The following GRIP1 variants were observed in gnomAD, a reference collection of about 807,000 sequenced individuals.
The protein encoded by GRIP1 is glutamate receptor interacting protein 1.
In GRIP1, 45 loss-of-function variants were observed where a neutral mutation model predicts 129.9. The observed-to-expected ratio is 0.35, with a 90% CI of 0.27 to 0.44. The LOEUF is 0.44. GRIP1 is among the 20% of genes least tolerant of loss of function. The probability of loss-of-function intolerance (pLI) is 1.00; values close to 1 mark genes in which losing one functional copy is unlikely to be tolerated. For synonymous variants in GRIP1, 530 were observed against 520.8 expected (o/e 1.02, Z -0.24); for missense variants, 1,196 against 1,396.8 (o/e 0.86, Z 2.29).
At chr12:66,754,156 G>T (rs1053506264) in intron 1 of GRIP1, among the ~76,000 whole-genome samples, 6 of 152,180 alleles carry the variant, frequency 3.9e-5, no homozygotes, top group African/African-American at 1.4e-4. Flanking sequence ...TGATTTTCCA[G>T]AGTAGTTTTA....
At position 66,582,598 on chromosome 12, in the gene GRIP1, C is replaced by T. The variant is rs965586651; in HGVS notation, c.136+14249G>A. 1.2e-4 allele frequency among the ~76,000 whole-genome samples: 17 copies of T among 137,652 alleles called. 1 individual carries two copies. In the South Asian group the frequency reaches 3.7e-3, roughly 30 times the overall value. 90.3% of individuals were successfully genotyped at this position (137,652 alleles called of 152,430 possible). On this transcript the variant is annotated intron_variant, in intron 2 of 24. Coordinates refer to ENST00000359742, the MANE Select transcript of GRIP1 (RefSeq NM_001366722.1). ...TCAACGTACAAAAATCACAAGCATT[C>T]TTATACACCAATAACAGACAAACAG...
chr12:66,901,724 G>A (rs1381425302), intron 1 of GRIP1, among the ~76,000 whole-genome samples: 1 of 152,116 alleles, frequency 6.6e-6, no homozygotes, highest in African/African-American at 2.4e-5. Flanking sequence ...CTAAACCACA[G>A]GTCCAAGTCT....
intron 22 of GRIP1, 58 bp downstream of exon 22, chr12:66,376,959 G>T (rs2055813448): frequency 8.6e-7 from 1 of 1,161,330 alleles, no homozygotes; most frequent in East Asian, 2.3e-5. Context: ...TGTCCAGAAG[G>T]CAAGGGGGTA....
chr12:66,833,242 G>A (rs1219263391), intron 1 of GRIP1, among the ~76,000 whole-genome samples: 1 of 152,162 alleles, frequency 6.6e-6, no homozygotes, highest in Non-Finnish European at 1.5e-5. Context: ...AGTAGGGTGT[G>A]TACTCTACAG....
At chr12:66,859,259 G>GGAA (rs1555246430) in intron 1 of GRIP1, among the ~76,000 whole-genome samples, 8 of 21,230 alleles carry the variant, frequency 3.8e-4, no homozygotes, top group East Asian at 6.3e-3. Context: ...CACATTTTCT[G>GGAA]AAAAAAAACA....
chr12:66,489,482 A>G (rs1255734496), intron 7 of GRIP1, among the ~76,000 whole-genome samples: 2 of 152,320 alleles, frequency 1.3e-5, no homozygotes, highest in African/African-American at 4.8e-5. Flanking sequence ...AATAAGAGCC[A>G]TATATGACAA....
intron 1 of GRIP1, among the ~76,000 whole-genome samples, chr12:66,826,444 A>G (rs2039415277): frequency 6.6e-6 from 1 of 152,204 alleles, no homozygotes; most frequent in East Asian, 1.9e-4. Context: ...CAGAACTTAA[A>G]GTATAAAAAA....
intron 1 of GRIP1, among the ~76,000 whole-genome samples, chr12:66,728,486 G>A (rs2036325661): frequency 1.3e-5 from 2 of 152,094 alleles, no homozygotes; most frequent in South Asian, 4.1e-4. Flanking sequence ...GCAGAATAGA[G>A]GAAACAATAA....
intron 1 of GRIP1, among the ~76,000 whole-genome samples, chr12:66,794,856 T>C (rs2038649914): frequency 6.6e-6 from 1 of 152,164 alleles, no homozygotes; most frequent in Non-Finnish European, 1.5e-5. Flanking sequence ...CTATAAATCA[T>C]GAAAACTTGG....
chr12:66,625,260 T>C (rs904270911), intron 1 of GRIP1, among the ~76,000 whole-genome samples: 1 of 152,200 alleles, frequency 6.6e-6, no homozygotes, highest in Non-Finnish European at 1.5e-5. Flanking sequence ...ATCATTTACA[T>C]TATTGTCTTG....
At chr12:67,025,239 G>A (rs1160428761) in intron 1 of GRIP1, among the ~76,000 whole-genome samples, 11 of 152,182 alleles carry the variant, frequency 7.2e-5, no homozygotes, top group Admixed American at 7.2e-4. Context: ...TACTTGGGAG[G>A]CTGAGGCAGA....
At chr12:66,703,343 A>T (rs2136362190) in intron 1 of GRIP1, among the ~76,000 whole-genome samples, 1 of 152,284 alleles carries the variant, frequency 6.6e-6, no homozygotes, top group Admixed American at 6.5e-5. Flanking sequence ...TCATCCCAAA[A>T]GTCATGAACT....
chr12:66,924,998 A>G (rs2041273631), intron 1 of GRIP1, among the ~76,000 whole-genome samples: 4 of 152,144 alleles, frequency 2.6e-5, no homozygotes, highest in Non-Finnish European at 4.4e-5. Context: ...AGAGAGCAAG[A>G]TAAGAATTTA....
At chr12:66,842,904 TC>T (rs2039746947) in intron 1 of GRIP1, among the ~76,000 whole-genome samples, 1 of 152,098 alleles carries the variant, frequency 6.6e-6, no homozygotes, top group African/African-American at 2.4e-5. Context: ...GTTTTTAGGA[TC>T]AAAGAAAAGG....
At chr12:66,583,035 CA>C (rs2063465736) in intron 2 of GRIP1, among the ~76,000 whole-genome samples, 1 of 151,120 alleles carries the variant, frequency 6.6e-6, no homozygotes. Flanking sequence ...ACCAAAACAG[CA>C]TGGTACTGGT....
chr12:66,900,323 C>T (rs547300278), intron 1 of GRIP1, among the ~76,000 whole-genome samples: 1 of 152,174 alleles, frequency 6.6e-6, no homozygotes, highest in Non-Finnish European at 1.5e-5. Flanking sequence ...GAAATCCTAA[C>T]CCCCACCCTT....
intron 1 of GRIP1, among the ~76,000 whole-genome samples, chr12:67,018,411 T>G (rs2042819398): frequency 6.6e-6 from 1 of 152,206 alleles, no homozygotes; most frequent in Non-Finnish European, 1.5e-5. Context: ...TTAGCCATTT[T>G]ATCTGAATTC....
rs935125650 is a variant in GRIP1 at position 66,349,254 on chromosome 12, G to T, written c.3160-8C>A. ...GGTTCGGACATGATTCACCTGAAAG[G>T]TCAAGAACAGCCATTTTGAATTATC... On this transcript the variant is annotated splice_polypyrimidine_tract_variant and splice_region_variant and intron_variant, in intron 24 of 24. Transcript: ENST00000359742. 6 of 1,590,512 alleles carry T rather than the reference G, an allele frequency of 3.8e-6. No individual in the cohort carries two copies. The highest frequency in any genetic ancestry group is 5.2e-6 in the Non-Finnish European group (6 of 1,158,610).
intron 2 of GRIP1, among the ~76,000 whole-genome samples, chr12:66,560,917 C>T (rs2062503386): frequency 6.6e-6 from 1 of 152,044 alleles, no homozygotes; most frequent in Admixed American, 6.6e-5. Flanking sequence ...GTACAACAAC[C>T]AGGATTTGGA....
Sources: gnomAD v4.1 joint callset for allele counts (sites outside exome capture counted in the v4.1 genomes callset) on GRCh38, gnomAD v4.1.1 for gene constraint, MANE v1.5 for transcripts, NCBI Gene and HGNC (gene_info 2026-07-23, HGNC 2026-07-21) for gene names.